Variants in KMT2B observed in about 807,000 individuals in gnomAD.
KMT2B encodes the protein lysine methyltransferase 2B, also known as histone-lysine N-methyltransferase 2B.
KMT2B carries 22 observed loss-of-function variants against 255.3 expected under a neutral mutation model. The ratio of observed to expected loss-of-function variants is 0.09; its 90% confidence interval spans 0.06 to 0.12. KMT2B has a LOEUF of 0.12. KMT2B is among the 10% of genes least tolerant of loss of function. KMT2B has a pLI of 1.00. For missense variants in KMT2B, 3,149 were observed against 3,737.0 expected (o/e 0.84, Z 4.10); for synonymous variants, 1,730 against 1,498.1 (o/e 1.15, Z -3.57).
chr19:35,725,407 C>G lies in KMT2B; in HGVS notation c.3643-72C>G. On this transcript the variant is annotated intron_variant, in intron 11 of 36. Transcript: ENST00000420124. The surrounding 1 kb of genome is among the most constrained non-coding windows in gnomAD (Gnocchi z 4.1). ...CACGGCCTGATTCCTTGGGCCCTCT[C>G]AGCTGGGTCTCATCCCTTGGCCCTC... 1.3e-6 allele frequency: 2 copies of G among 1,585,368 alleles called. No homozygotes were observed. Among genetic ancestry groups the G allele is most frequent in the South Asian group, 2.2e-5 (2 of 89,016 alleles).
chr19:35,734,208 A>T (rs1028773694), intron 30 of KMT2B, among the ~76,000 whole-genome samples: 3 of 151,790 alleles, frequency 2.0e-5, no homozygotes, highest in Non-Finnish European at 4.4e-5. Context: ...ATCTAGAGGG[A>T]ATGCAGCCCA....
In KMT2B at chr19:35,724,662, G is replaced by T. The variant is rs867407027; in HGVS notation, c.3360G>T (p.Glu1120Asp). 1 of 1,600,944 alleles carries T rather than the reference G, an allele frequency of 6.2e-7. No homozygotes were observed. The highest frequency in any genetic ancestry group is 2.3e-5 in the East Asian group (1 of 44,194). ...ENELPLPEPE[E>D]QSRPRKPTLQ... Reference sequence around the variant, plus strand: ...AGCTGCCACTGCCAGAACCTGAGGAGCAGAGCCGGCCCCGCAAACCTACCC... The same window carrying T: ...AGCTGCCACTGCCAGAACCTGAGGATCAGAGCCGGCCCCGCAAACCTACCC... The change falls in exon 9 of 37, where the codon GAG becomes GAT. Residue 1120 changes from glutamate (E) to aspartate (D), a missense_variant. By Grantham distance (45) the Glu-to-Asp change is conservative. Around this residue, in one of 18 missense-constraint regions of KMT2B, gnomAD observed 136 missense variants for 137.3 expected, o/e 0.99. Coordinates refer to ENST00000420124, the MANE Select transcript of KMT2B (RefSeq NM_014727.3).
intron 9 of KMT2B, 78 bp downstream of exon 9, chr19:35,724,809 T>G (rs1599679120): frequency 7.6e-6 from 10 of 1,311,682 alleles, no homozygotes; most frequent in Non-Finnish European, 1.1e-5. Flanking sequence ...CACCTGAGTG[T>G]CGTGGTGTGT....
Position 35,728,887 on chromosome 19 carries a change from C to G in KMT2B, c.4685C>G (p.Ala1562Gly). 6.2e-7 allele frequency: 1 copy of G among 1,613,610 alleles called. No individual in the cohort carries two copies. The highest frequency in any genetic ancestry group is 1.1e-5 in the South Asian group (1 of 91,074). Reference sequence around the variant, plus strand: ...GGGCAGCCTCCAGGGGATCCCTCAGCAGGTACTGGGAAGTGGGGGTCCAGA... The same window carrying G: ...GGGCAGCCTCCAGGGGATCCCTCAGGAGGTACTGGGAAGTGGGGGTCCAGA... ...ESGQPPGDPS[A>G]AFQGKDPAAF... The change falls in exon 20 of 37, where the codon GCA becomes GGA. Residue 1562 changes from alanine (A) to glycine (G), a missense_variant and splice_region_variant. By Grantham distance (60) the Ala-to-Gly change is moderately conservative (BLOSUM62 0). This residue lies in a region of KMT2B where 377 missense variants were observed against 471.0 expected (regional missense o/e 0.80). Transcript: ENST00000420124.
At position 35,718,035 on chromosome 19, in the gene KMT2B, G is replaced by T; in HGVS notation, c.17G>T (p.Gly6Val). 2.0e-6 allele frequency: 2 copies of T among 985,490 alleles called. No homozygotes were observed. The highest frequency in any genetic ancestry group is 2.4e-6 in the Non-Finnish European group (2 of 831,078). The allele number at this position is 985,490 out of a possible 1,614,324, so 61.0% of individuals were successfully genotyped here. ...GGTGCCAAGATGGCGGCGGCGGCGG[G>T]CGGCGGCAGTTGCCCCGGGCCTGGC... Reference protein sequence around the residue: MAAAAGGGSCPGPGSA... With the variant: MAAAAVGGSCPGPGSA... The change falls in exon 1 of 37, where the codon GGC becomes GTC. Residue 6 changes from glycine to valine, a missense_variant. Physicochemically the swap from Gly to Val is moderately radical, Grantham distance 109. Coordinates refer to ENST00000420124, the MANE Select transcript of KMT2B (RefSeq NM_014727.3). This position sits in a 1 kb window ranked among gnomAD's most constrained non-coding sequence, Gnocchi z 5.0.
intron 23 of KMT2B, 34 bp from the exon 24 acceptor site, chr19:35,730,308 T>C (rs759589175): frequency 9.3e-6 from 15 of 1,607,712 alleles, no homozygotes; most frequent in Non-Finnish European, 1.1e-5. Flanking sequence ...CCCCCACCAA[T>C]GCAGCCACCT....
chr19:35,731,865 C>A, intron 26 of KMT2B, 43 bp from the exon 27 acceptor site: 2 of 1,443,654 alleles, frequency 1.4e-6, no homozygotes, highest in Non-Finnish European at 1.9e-6. Context: ...CAGGCTTTGA[C>A]ACAGAGCCCC....
rs766733533 is a variant in KMT2B at position 35,738,025 on chromosome 19, C to T, written c.7743-37C>T. On this transcript the variant is annotated intron_variant, in intron 35 of 36. Transcript: ENST00000420124. This position sits in a 1 kb window ranked among gnomAD's most constrained non-coding sequence, Gnocchi z 8.7. Reference sequence around the variant, plus strand: ...GGGGGTACTGTCTGGTTTCTGTCCCCCTCCCCCCTGAGTTCCCTGTTCATC... The same window carrying T: ...GGGGGTACTGTCTGGTTTCTGTCCCTCTCCCCCCTGAGTTCCCTGTTCATC... 1.7e-5 allele frequency: 28 copies of T among 1,613,412 alleles called. No individual in the cohort carries two copies. The East Asian group carries it at 6.2e-4, about 36-fold the overall frequency.
At position 35,731,962 on chromosome 19, in the gene KMT2B, C is replaced by T; in HGVS notation, c.5492C>T (p.Ala1831Val). 1 of 1,613,812 alleles carries T rather than the reference C, an allele frequency of 6.2e-7. No individual in the cohort carries two copies. The change falls in exon 27 of 37, where the codon GCT (alanine) becomes GTT (valine). Residue 1831 changes from alanine to valine, a missense_variant. By Grantham distance (64) the Ala-to-Val change is moderately conservative. Transcript: ENST00000420124. The stretch of plus-strand genomic sequence containing the variant: ...GACACAGATGTTCTTGTCCCTGGAG[C>T]TCCTGAGCGCCACTCGCCCATTCAG... ...PLDTDVLVPG[A>V]PERHSPIQNL... is the part of the protein sequence containing the mutation.
In KMT2B at chr19:35,725,926, C is replaced by CT; in HGVS notation, c.3885+110dup. 2 of 902,874 alleles carry CT rather than the reference C, an allele frequency of 2.2e-6. No homozygotes were observed. The highest frequency in any genetic ancestry group is 3.0e-5 in the South Asian group (2 of 67,244). 55.9% of individuals were successfully genotyped at this position (902,874 alleles called of 1,614,324 possible). A position where few individuals can be genotyped will look rare whatever the true frequency, so the allele number is the denominator to read the frequency against. On this transcript the variant is annotated intron_variant, in intron 13 of 36. Transcript: ENST00000420124. This position sits in a 1 kb window ranked among gnomAD's most constrained non-coding sequence, Gnocchi z 4.1. ...AGGAGGAGCAGAGGTTGGGGATCCT[C>CT]TTAAGAATTGATTAGTAATGTTTCC...
In KMT2B at chr19:35,738,872, G is replaced by T; in HGVS notation, c.*315G>T. 2.1e-6 allele frequency: 1 copy of T among 472,084 alleles called. No homozygotes were observed. Among genetic ancestry groups the T allele is most frequent in the Non-Finnish European group, 3.8e-6 (1 of 265,808 alleles). The allele number at this position is 472,084 out of a possible 1,614,324, so 29.2% of individuals were successfully genotyped here. A position where few individuals can be genotyped will look rare whatever the true frequency, so the allele number is the denominator to read the frequency against. ...CCCCCCCACAATAAAGTCTGTCAAT[G>T]TTTGGAGAGGTGGTCTTCCCATTTG... On this transcript the variant is annotated 3_prime_UTR_variant, in exon 37 of 37. Coordinates refer to ENST00000420124, the MANE Select transcript of KMT2B (RefSeq NM_014727.3). This position sits in a 1 kb window ranked among gnomAD's most constrained non-coding sequence, Gnocchi z 8.7.
rs368448306 is a variant in KMT2B, at chr19:35,720,301, A to G, written c.954A>G (p.Gln318=). Residue 318 remains glutamine (Q), a synonymous_variant, in exon 3 of 37, where the codon CAA becomes CAG. Coordinates refer to ENST00000420124, the MANE Select transcript of KMT2B (RefSeq NM_014727.3). ...VSRAKKVKMG[Q]LSLGLESGQG... Reference sequence around the variant, plus strand: ...GGGCCAAAAAAGTAAAGATGGGACAATTGTCCTTGGGACTCGAATCAGGTC... The same window carrying G: ...GGGCCAAAAAAGTAAAGATGGGACAGTTGTCCTTGGGACTCGAATCAGGTC... The G allele has an allele frequency of 4.3e-6, 7 of 1,613,274 alleles. No homozygotes were observed. Among genetic ancestry groups the G allele is most frequent in the African/African-American group, 2.7e-5 (2 of 74,906 alleles).
rs929920443 is a variant in KMT2B at position 35,723,507 on chromosome 19, C to A, written c.3058+5C>A. The A allele has an allele frequency of 4.5e-6, 7 of 1,563,508 alleles. No individual in the cohort carries two copies. Among genetic ancestry groups the A allele is most frequent in the East Asian group, 2.4e-5 (1 of 41,780 alleles). Reference sequence around the variant, plus strand: ...TGGAACGACTGGCTAAAAAAGGTGACGAGCTTTAAGGAGCATTTCTTCTCA... The same window carrying A: ...TGGAACGACTGGCTAAAAAAGGTGAAGAGCTTTAAGGAGCATTTCTTCTCA... On this transcript the variant is annotated splice_donor_5th_base_variant and intron_variant, in intron 7 of 36. Coordinates refer to ENST00000420124, the MANE Select transcript of KMT2B (RefSeq NM_014727.3). The surrounding 1 kb of genome is among the most constrained non-coding windows in gnomAD (Gnocchi z 7.5).
rs1486605912 is a variant in KMT2B at position 35,718,904 on chromosome 19, C to T, written c.363+523C>T. ...GAGTGGGATGAAGGCCGGGACTGGG[C>T]ACTCTAGCAGGTCAGAGCTCAGCTC... On this transcript the variant is annotated intron_variant, in intron 1 of 36. Transcript: ENST00000420124. This position sits in a 1 kb window ranked among gnomAD's most constrained non-coding sequence, Gnocchi z 5.0. Among the ~76,000 whole-genome samples, 2 of 152,136 alleles carry T rather than the reference C, an allele frequency of 1.3e-5. No individual in the cohort carries two copies. Among genetic ancestry groups the T allele is most frequent in the African/African-American group, 2.4e-5 (1 of 41,428 alleles).
At position 35,723,028 on chromosome 19, in the gene KMT2B, C is replaced by T. The variant is rs756802660; in HGVS notation, c.2756C>T (p.Pro919Leu). 35 of 1,610,316 alleles carry T rather than the reference C, an allele frequency of 2.2e-5. No homozygotes were observed. Among genetic ancestry groups the T allele is most frequent in the Admixed American group, 3.3e-5 (2 of 59,792 alleles). Residue 919 changes from proline to leucine, a missense_variant, in exon 6 of 37, where the codon CCG (proline) becomes CTG (leucine). By Grantham distance (98) the Pro-to-Leu change is moderately conservative. This residue lies in a region of KMT2B where 132 missense variants were observed against 174.7 expected (regional missense o/e 0.76). Transcript: ENST00000420124. This position sits in a 1 kb window ranked among gnomAD's most constrained non-coding sequence, Gnocchi z 7.5. ...TCGGCGTCCGAGACTGAGAGTGTCC[C>T]GTCACGGTCCCGGCGGGGAAAGGTG... ...TSSASETESV[P>L]SRSRRGKVEA...
chr19:35,727,954 C>A lies in KMT2B; in HGVS notation c.4466C>A (p.Ala1489Asp). 1 of 1,583,386 alleles carries A rather than the reference C, an allele frequency of 6.3e-7. No individual in the cohort carries two copies. The highest frequency in any genetic ancestry group is 1.1e-5 in the South Asian group (1 of 87,398). ...GAGGGAGAGACCCCGGACCGCCGGG[C>A]TGGAGGCCAGATGAAGGGGCTCCTG... ...SEEGETPDRR[A>D]GGQMKGLLLK... Residue 1489 changes from alanine (A) to aspartate (D), a missense_variant, in exon 18 of 37, where the codon GCT (alanine) becomes GAT (aspartate). Physicochemically the swap from Ala to Asp is moderately radical, Grantham distance 126. This residue lies in a region of KMT2B where 377 missense variants were observed against 471.0 expected (regional missense o/e 0.80). Coordinates refer to ENST00000420124, the MANE Select transcript of KMT2B (RefSeq NM_014727.3). The surrounding 1 kb of genome is among the most constrained non-coding windows in gnomAD (Gnocchi z 4.2).
At position 35,737,806 on chromosome 19, in the gene KMT2B, TGAGA is replaced by T. The variant is rs754525793; in HGVS notation, c.7659-49_7659-46del. The T allele has an allele frequency of 9.0e-6, 14 of 1,547,422 alleles. No individual in the cohort carries two copies. Among genetic ancestry groups the T allele is most frequent in the Middle Eastern group, 1.7e-4 (1 of 6,010 alleles). On this transcript the variant is annotated intron_variant, in intron 34 of 36. Transcript: ENST00000420124. The surrounding 1 kb of genome is among the most constrained non-coding windows in gnomAD (Gnocchi z 5.3). ...AAGGGTCTTAGAGAGTGAGCAGGGG[TGAGA>T]GAGGTCATTCTGAGCACCAGCCTGG...
At position 35,733,308 on chromosome 19, in the gene KMT2B, G is replaced by GCCCCC; in HGVS notation, c.6760_6764dup (p.Pro2257ArgfsTer6). ...TGGTCGGAGTGGTCCGCCCTGCCCCGCCCCCGCCACCCCCTCCCCTGACGC... is the reference window on the plus strand; with the variant it reads ...TGGTCGGAGTGGTCCGCCCTGCCCCGCCCCCCCCCCGCCACCCCCTCCCCTGACGC... On this transcript the variant is annotated frameshift_variant, in exon 28 of 37. Coordinates refer to ENST00000420124, the MANE Select transcript of KMT2B (RefSeq NM_014727.3). LOFTEE classifies it high-confidence loss of function. This position sits in a 1 kb window ranked among gnomAD's most constrained non-coding sequence, Gnocchi z 4.3. 7 of 532,690 alleles carry GCCCCC rather than the reference G, an allele frequency of 1.3e-5. No individual in the cohort carries two copies. The highest frequency in any genetic ancestry group is 4.0e-5 in the South Asian group (2 of 50,446). The allele number at this position is 532,690 out of a possible 1,614,324, so 33.0% of individuals were successfully genotyped here.
At chr19:35,731,793 T>C in intron 26 of KMT2B, 115 bp from the exon 27 acceptor site, 2 of 812,968 alleles carry the variant, frequency 2.5e-6, no homozygotes, top group Non-Finnish European at 4.1e-6. Flanking sequence ...CTGGGGCCTG[T>C]TGTGACTGGG....
Sources: gnomAD v4.1 joint callset for allele counts (sites outside exome capture counted in the v4.1 genomes callset) on GRCh38, gnomAD v4.1.1 for gene constraint, gnomAD v4.1.1 regional missense constraint, Gnocchi (gnomAD v3.1) non-coding constraint, MANE v1.5 for transcripts, NCBI Gene and HGNC (gene_info 2026-07-23, HGNC 2026-07-21) for gene names.